CAP2: variants seen among roughly 807,000 people sequenced by gnomAD.
CAP2 encodes the protein cyclase associated actin cytoskeleton regulatory protein 2, also known as adenylyl cyclase-associated protein 2.
Under a neutral mutation model 57.7 loss-of-function variants are expected in CAP2, and 24 were observed. The observed-to-expected ratio is 0.42, with a 90% CI of 0.30 to 0.58. CAP2 has a LOEUF of 0.58. Among genes scored for constraint, CAP2 ranks in the 20% least tolerant of loss-of-function variants. CAP2 has a pLI of 0.22. For synonymous variants in CAP2, 194 were observed against 207.2 expected, an observed-to-expected ratio of 0.94 and a Z score of 0.55; for missense variants, 501 against 590.3, an observed-to-expected ratio of 0.85 and a Z score of 1.57.
At chr6:17,461,992 CAAAAAAAAAA>C (rs567675285) in intron 3 of CAP2, among the ~76,000 whole-genome samples, 26 of 27,862 alleles carry the variant, frequency 9.3e-4, no homozygotes, top group Middle Eastern at 0.062. Context: ...GACTCCGTCT[CAAAAAAAAAA>C]AAAAAAAAAA....
At chr6:17,446,073 T>C (rs543522528) in intron 3 of CAP2, among the ~76,000 whole-genome samples, 1 of 152,310 alleles carries the variant, frequency 6.6e-6, no homozygotes, top group East Asian at 1.9e-4. Context: ...AGTACTGCAT[T>C]TTTACTTATT....
intron 4 of CAP2, among the ~76,000 whole-genome samples, chr6:17,506,485 A>G (rs752153757): frequency 6.6e-6 from 1 of 152,084 alleles, no homozygotes; most frequent in Non-Finnish European, 1.5e-5. Context: ...TCTGCTAAAA[A>G]TAAAATTATC....
intron 1 of CAP2, among the ~76,000 whole-genome samples, chr6:17,408,720 G>T (rs1317633855): frequency 7.0e-6 from 1 of 143,052 alleles, no homozygotes; most frequent in Non-Finnish European, 1.5e-5. Flanking sequence ...GAGTGCAGTG[G>T]CATGATCTCT....
intron 7 of CAP2, among the ~76,000 whole-genome samples, chr6:17,533,583 T>C (rs1304287215): frequency 6.6e-6 from 1 of 151,652 alleles, no homozygotes; most frequent in Non-Finnish European, 1.5e-5. Context: ...TTTTTTTTTT[T>C]TTTTGAAATG....
intron 3 of CAP2, among the ~76,000 whole-genome samples, chr6:17,448,592 G>A (rs1469005766): frequency 1.3e-5 from 2 of 152,110 alleles, no homozygotes; most frequent in African/African-American, 2.4e-5. Flanking sequence ...AATATAAATT[G>A]CAATAATAAA....
At chr6:17,440,614 G>GT (rs1554122866) in intron 3 of CAP2, among the ~76,000 whole-genome samples, 6,840 of 141,590 alleles carry the variant, frequency 0.048, 454 homozygotes, top group East Asian at 0.16. Context: ...AACTGTGTGT[G>GT]GTGTGTGTGT....
chr6:17,530,151 G>A (rs1185393602), intron 7 of CAP2, among the ~76,000 whole-genome samples: 6 of 152,076 alleles, frequency 3.9e-5, no homozygotes, highest in Non-Finnish European at 7.4e-5. Context: ...ATAGCTCACT[G>A]CAGCTCAATC....
Position 17,513,786 on chromosome 6 carries a change from AT to A in CAP2, c.531-56del. ...CACTAGATAACCATGTGCCCCCACA[AT>A]TTTTTTAAAATTTTATTTTAGATCC... is the stretch of plus-strand genomic sequence containing the variant. On this transcript the variant is annotated intron_variant, in intron 6 of 12. Coordinates refer to ENST00000229922, the MANE Select transcript of CAP2 (RefSeq NM_006366.3). The surrounding 1 kb of genome is among the most constrained non-coding windows in gnomAD (Gnocchi z 4.3). 8.3e-7 allele frequency: 1 copy of A among 1,201,788 alleles called. No homozygotes were observed. The highest frequency in any genetic ancestry group is 2.4e-5 in the East Asian group (1 of 41,088). The allele number at this position is 1,201,788 out of a possible 1,614,324, so 74.4% of individuals were successfully genotyped here. A position where few individuals can be genotyped will look rare whatever the true frequency, so the allele number is the denominator to read the frequency against.
chr6:17,477,154 G>C (rs1024870048), intron 4 of CAP2, among the ~76,000 whole-genome samples: 6 of 152,142 alleles, frequency 3.9e-5, no homozygotes, highest in Admixed American at 3.9e-4. Flanking sequence ...GATTACAGGC[G>C]TGAGCCACCG....
At chr6:17,442,658 G>A (rs375038164) in intron 3 of CAP2, among the ~76,000 whole-genome samples, 2 of 152,012 alleles carry the variant, frequency 1.3e-5, no homozygotes, top group Admixed American at 6.5e-5. Context: ...GAGGCCAAGT[G>A]GGGGGAATTG....
chr6:17,409,345 C>T (rs191034196), intron 1 of CAP2, among the ~76,000 whole-genome samples: 8 of 151,326 alleles, frequency 5.3e-5, no homozygotes, highest in East Asian at 2.0e-4. Context: ...GCACTCCAGC[C>T]TGGGTGACAG....
At chr6:17,470,789 G>A (rs1760997412) in intron 4 of CAP2, among the ~76,000 whole-genome samples, 1 of 152,162 alleles carries the variant, frequency 6.6e-6, no homozygotes, top group African/African-American at 2.4e-5. Context: ...ACTTGGTTTG[G>A]CTAAAATGAG....
intron 4 of CAP2, among the ~76,000 whole-genome samples, chr6:17,493,848 A>G (rs764226592): frequency 1.3e-5 from 2 of 151,510 alleles, no homozygotes; most frequent in Non-Finnish European, 2.9e-5. Flanking sequence ...CCCTGGGAAC[A>G]CCTGGTTGAG....
intron 2 of CAP2, 107 bp from the exon 3 acceptor site, chr6:17,426,483 C>A (rs1213571624): frequency 1.2e-5 from 9 of 761,204 alleles, no homozygotes; most frequent in Non-Finnish European, 2.1e-5. Flanking sequence ...GATCTGCCTG[C>A]CTCGGACTCC....
In CAP2 at chr6:17,548,988, G is replaced by A. The variant is rs113097189; in HGVS notation, c.1210-2476G>A. Among the ~76,000 whole-genome samples, 50 of 152,104 alleles carry A rather than the reference G, an allele frequency of 3.3e-4. 1 individual carries two copies. Among genetic ancestry groups the A allele is most frequent in the African/African-American group, 1.1e-3 (47 of 41,484 alleles). The stretch of plus-strand genomic sequence containing the variant: ...CAGAGTAGGAAATAAATTAATTAGG[G>A]TCAAAAAGCACAAACCATAAAGAAA... On this transcript the variant is annotated intron_variant, in intron 11 of 12. Coordinates refer to ENST00000229922, the MANE Select transcript of CAP2 (RefSeq NM_006366.3).
chr6:17,459,058 G>C (rs947945612), intron 3 of CAP2, among the ~76,000 whole-genome samples: 4 of 152,174 alleles, frequency 2.6e-5, no homozygotes, highest in Non-Finnish European at 2.9e-5. Flanking sequence ...ACGAAATCAG[G>C]AAAGGAGAAT....
In CAP2 at chr6:17,556,623, G is replaced by A. The variant is rs751274384; in HGVS notation, c.*181G>A. On this transcript the variant is annotated 3_prime_UTR_variant, in exon 13 of 13. Transcript: ENST00000229922. ...TCGTGGGCATTTTGAAATATTTAAC[G>A]TTTCCTCATGATTTGCCTTTGTGTG... The A allele has an allele frequency of 2.0e-5, 11 of 541,334 alleles. No individual in the cohort carries two copies. Among genetic ancestry groups the A allele is most frequent in the Middle Eastern group, 5.5e-4 (2 of 3,626 alleles). The allele number at this position is 541,334 out of a possible 1,614,324, so 33.5% of individuals were successfully genotyped here.
intron 4 of CAP2, among the ~76,000 whole-genome samples, chr6:17,470,224 C>T (rs1029372777): frequency 6.6e-6 from 1 of 152,196 alleles, no homozygotes; most frequent in African/African-American, 2.4e-5. Context: ...CTGACCCACT[C>T]TAACCAAACC....
chr6:17,495,548 G>A (rs920778848), intron 4 of CAP2, among the ~76,000 whole-genome samples: 8 of 152,118 alleles, frequency 5.3e-5, no homozygotes, highest in Admixed American at 5.2e-4. Context: ...TGGGGTCAAT[G>A]TCAAAATCCA....
Sources: allele counts gnomAD v4.1 joint callset (sites outside exome capture counted in the v4.1 genomes callset), GRCh38; gene constraint gnomAD v4.1.1; non-coding constraint Gnocchi (gnomAD v3.1); transcripts MANE v1.5; gene names NCBI Gene and HGNC (gene_info 2026-07-23, HGNC 2026-07-21).